PDRG1: variants seen among roughly 807,000 people sequenced by gnomAD.
The protein encoded by PDRG1 is p53 and DNA damage regulated 1.
PDRG1 carries 14 observed loss-of-function variants against 18.4 expected under a neutral mutation model. The ratio of observed to expected loss-of-function variants is 0.76; its 90% CI spans 0.50 to 1.19. The LOEUF is 1.19. Among genes scored for constraint, PDRG1 ranks in the 50% most tolerant of loss-of-function variants. The pLI is 0.00. For synonymous variants in PDRG1, 65 were observed against 60.9 expected (o/e 1.07, Z -0.31); for missense variants, 177 against 160.1 (o/e 1.11, Z -0.57).
rs753443507 is a variant in PDRG1 at position 31,945,772 on chromosome 20, G to C, written c.*35C>G. Reference sequence around the variant, plus strand: ...GGGTCCTGGGTCCTCCATGACCCTGGGGGGTTGCTGGTCCCCCATCTTGGT... The same window carrying C: ...GGGTCCTGGGTCCTCCATGACCCTGCGGGGTTGCTGGTCCCCCATCTTGGT... On this transcript the variant is annotated 3_prime_UTR_variant, in exon 5 of 5. Coordinates refer to ENST00000202017, the MANE Select transcript of PDRG1 (RefSeq NM_030815.3). 3 of 1,567,944 alleles carry C rather than the reference G, an allele frequency of 1.9e-6. No homozygotes were observed. Among genetic ancestry groups the C allele is most frequent in the Admixed American group, 1.7e-5 (1 of 59,650 alleles).
intron 2 of PDRG1, among the ~76,000 whole-genome samples, chr20:31,950,062 C>G (rs1019202789): frequency 2.6e-5 from 4 of 152,350 alleles, no homozygotes; most frequent in Middle Eastern, 3.4e-3. Flanking sequence ...GGCACTCTCT[C>G]AGTGTCTGCC....
At chr20:31,945,919 C>T (rs771717234) in intron 4 of PDRG1, 30 bp from the exon 5 acceptor site, 7 of 1,583,796 alleles carry the variant, frequency 4.4e-6, no homozygotes, top group Admixed American at 3.4e-5. Flanking sequence ...ATCAGCACGT[C>T]GGGCCTCCTG....
Position 31,945,765 on chromosome 20 carries a change from G to A in PDRG1, c.*42C>T, listed in dbSNP as rs1240681647. ...GGTTGGAGGGTCCTGGGTCCTCCATGACCCTGGGGGGTTGCTGGTCCCCCA... is the reference window on the plus strand; with the variant it reads ...GGTTGGAGGGTCCTGGGTCCTCCATAACCCTGGGGGGTTGCTGGTCCCCCA... On this transcript the variant is annotated 3_prime_UTR_variant, in exon 5 of 5. Transcript: ENST00000202017. 13 of 1,545,134 alleles carry A rather than the reference G, an allele frequency of 8.4e-6. No homozygotes were observed. The highest frequency in any genetic ancestry group is 1.2e-5 in the Non-Finnish European group (13 of 1,119,634).
In PDRG1 at chr20:31,945,629, A is replaced by ATGAC; in HGVS notation, c.*177_*178insGTCA. ...CCAGGTCCAGCAGCCAGACAGGCTG[A>ATGAC]AGGTTCCCTCCTGCCATCACAGAGT... On this transcript the variant is annotated 3_prime_UTR_variant, in exon 5 of 5. Coordinates refer to ENST00000202017, the MANE Select transcript of PDRG1 (RefSeq NM_030815.3). 1.9e-6 allele frequency: 1 copy of ATGAC among 519,662 alleles called. No individual in the cohort carries two copies. Among genetic ancestry groups the ATGAC allele is most frequent in the Non-Finnish European group, 3.4e-6 (1 of 294,066 alleles). 32.2% of individuals were successfully genotyped at this position (519,662 alleles called of 1,614,324 possible). A position where few individuals can be genotyped will look rare whatever the true frequency, so the allele number is the denominator to read the frequency against.
chr20:31,947,554 G>T (rs1476220881), intron 3 of PDRG1, among the ~76,000 whole-genome samples: 1 of 152,202 alleles, frequency 6.6e-6, no homozygotes, highest in Admixed American at 6.5e-5. Flanking sequence ...CAACACAACA[G>T]CTGGAAACTT....
chr20:31,949,453 T>A (rs888403559), intron 2 of PDRG1, among the ~76,000 whole-genome samples: 5 of 152,188 alleles, frequency 3.3e-5, no homozygotes, highest in Non-Finnish European at 5.9e-5. Flanking sequence ...ACGCCTGTAA[T>A]CTCAGCTACT....
At chr20:31,949,236 ACAACAG>A (rs1387866654) in intron 2 of PDRG1, among the ~76,000 whole-genome samples, 1 of 152,178 alleles carries the variant, frequency 6.6e-6, no homozygotes, top group African/African-American at 2.4e-5. Context: ...AACAGAGGAA[ACAACAG>A]GAACAGCAAA....
At chr20:31,949,020 A>C (rs2064335622) in intron 2 of PDRG1, 138 bp from the exon 3 acceptor site, 1 of 704,878 alleles carries the variant, frequency 1.4e-6, no homozygotes, top group East Asian at 2.8e-5. Context: ...ACAGTGGAGG[A>C]GAGAGAATAA....
In PDRG1 at chr20:31,946,595, C is replaced by A. The variant is rs752978350; in HGVS notation, c.239-19G>T. 4.4e-6 allele frequency: 7 copies of A among 1,586,316 alleles called. No individual in the cohort carries two copies. In the Admixed American group the frequency reaches 1.2e-4, roughly 26 times the overall value. ...TCTTGATCTGAAAAAATGAGGGGGG[C>A]AAGCAGAGGATAAGATTGTACCAGA... On this transcript the variant is annotated intron_variant, in intron 3 of 4. Coordinates refer to ENST00000202017, the MANE Select transcript of PDRG1 (RefSeq NM_030815.3).
At chr20:31,948,911 C>T in intron 2 of PDRG1, 29 bp from the exon 3 acceptor site, 2 of 1,606,620 alleles carry the variant, frequency 1.2e-6, no homozygotes, top group South Asian at 1.1e-5. Context: ...ATTCCTTCAA[C>T]AATTTTTTTT....
At chr20:31,946,047 C>A (rs2064314784) in intron 4 of PDRG1, among the ~76,000 whole-genome samples, 158 bp from the exon 5 acceptor site, 1 of 152,184 alleles carries the variant, frequency 6.6e-6, no homozygotes, top group African/African-American at 2.4e-5. Flanking sequence ...TGAGGCATCA[C>A]CACTGCTCCT....
At chr20:31,946,832 T>C (rs999631170) in intron 3 of PDRG1, among the ~76,000 whole-genome samples, 1 of 152,122 alleles carries the variant, frequency 6.6e-6, no homozygotes, top group Non-Finnish European at 1.5e-5. Flanking sequence ...TACCTTGGGG[T>C]GGTCAGTGGA....
chr20:31,946,505 CA>C lies in PDRG1; in HGVS notation c.309del (p.Phe103LeufsTer9). On this transcript the variant is annotated frameshift_variant, in exon 4 of 5. Transcript: ENST00000202017. LOFTEE classifies it high-confidence loss of function. Reference protein sequence around the residue: ...KQLKVKVNRLFEAQGKPELKG... With the variant: ...KQLKVKVNRLXEAQGKPELKG... ...CCTGCTAAGCCAATACCTTGGGCCT[CA>C]AAAAGGCGGTTGACCTTCACTTTAA... 1 of 1,609,514 alleles carries C rather than the reference CA, an allele frequency of 6.2e-7. No homozygotes were observed. The highest frequency in any genetic ancestry group is 8.5e-7 in the Non-Finnish European group (1 of 1,175,836).
intron 4 of PDRG1, among the ~76,000 whole-genome samples, chr20:31,946,265 G>A (rs780527158): frequency 1.4e-4 from 21 of 152,076 alleles, no homozygotes; most frequent in Non-Finnish European, 2.8e-4. Flanking sequence ...CACCCCAAGC[G>A]GTTCCTGGGA....
chr20:31,949,323 G>A (rs2064337705), intron 2 of PDRG1, among the ~76,000 whole-genome samples: 1 of 152,254 alleles, frequency 6.6e-6, no homozygotes, highest in Non-Finnish European at 1.5e-5. Context: ...TGTAATCCCA[G>A]CACTTTGGGA....
In PDRG1 at chr20:31,945,554, G is replaced by A. The variant is rs1317949662; in HGVS notation, c.*253C>T. 10 of 409,506 alleles carry A rather than the reference G, an allele frequency of 2.4e-5. No homozygotes were observed. Among genetic ancestry groups the A allele is most frequent in the Non-Finnish European group, 4.4e-5 (10 of 225,982 alleles). The allele number at this position is 409,506 out of a possible 1,614,324, so 25.4% of individuals were successfully genotyped here. A position where few individuals can be genotyped will look rare whatever the true frequency, so the allele number is the denominator to read the frequency against. On this transcript the variant is annotated 3_prime_UTR_variant, in exon 5 of 5. Coordinates refer to ENST00000202017, the MANE Select transcript of PDRG1 (RefSeq NM_030815.3). ...CAGCCACTGCCCCACACACCCACTG[G>A]TGGCTACCAAGGCCCGTCAATAGAT...
rs1361997456 is a variant in PDRG1, at chr20:31,944,499, G to A, written c.*1308C>T. ...GGTGCTGTTCTGAGGGAATCACACT[G>A]TGCTTGCACAAAAATTATTAGCTTA... On this transcript the variant is annotated 3_prime_UTR_variant, in exon 5 of 5. Transcript: ENST00000202017. 6.6e-6 allele frequency: 1 copy of A among 152,412 alleles called. No individual in the cohort carries two copies. The highest frequency in any genetic ancestry group is 1.5e-5 in the Non-Finnish European group (1 of 68,190). The allele number at this position is 152,412 out of a possible 1,614,324, so 9.4% of individuals were successfully genotyped here.
chr20:31,947,407 C>T (rs909836819), intron 3 of PDRG1, among the ~76,000 whole-genome samples: 1 of 152,234 alleles, frequency 6.6e-6, no homozygotes, highest in African/African-American at 2.4e-5. Context: ...CCTCTAGGTA[C>T]AGTGACAAGA....
At position 31,945,550 on chromosome 20, in the gene PDRG1, A is replaced by C. The variant is rs2123675811; in HGVS notation, c.*257T>G. The C allele has an allele frequency of 4.9e-6, 2 of 406,328 alleles. No homozygotes were observed. The highest frequency in any genetic ancestry group is 7.0e-5 in the South Asian group (2 of 28,670). The allele number at this position is 406,328 out of a possible 1,614,324, so 25.2% of individuals were successfully genotyped here. A position where few individuals can be genotyped will look rare whatever the true frequency, so the allele number is the denominator to read the frequency against. On this transcript the variant is annotated 3_prime_UTR_variant, in exon 5 of 5. Transcript: ENST00000202017. ...CCCACAGCCACTGCCCCACACACCC[A>C]CTGGTGGCTACCAAGGCCCGTCAAT...
Sources: allele counts gnomAD v4.1 joint callset (sites outside exome capture counted in the v4.1 genomes callset), GRCh38; gene constraint gnomAD v4.1.1; transcripts MANE v1.5; gene names NCBI Gene and HGNC (gene_info 2026-07-23, HGNC 2026-07-21).